RCL1: variants seen among roughly 807,000 people sequenced by gnomAD.
The protein encoded by RCL1 is RNA 3'-terminal phosphate cyclase-like protein.
A neutral mutation model predicts 42.4 loss-of-function variants in RCL1; 24 were observed. The observed-to-expected ratio is 0.57, with a 90% CI of 0.41 to 0.80. RCL1 has a LOEUF of 0.80. RCL1 is among the 30% of genes least tolerant of loss of function. RCL1 has a pLI of 0.00. For missense variants in RCL1, 578 were observed against 467.9 expected (o/e 1.24, Z -2.17); for synonymous variants, 228 against 177.3 (o/e 1.29, Z -2.27).
At chr9:4,835,305 G>A (rs932698299) in intron 5 of RCL1, among the ~76,000 whole-genome samples, 16 of 152,176 alleles carry the variant, frequency 1.1e-4, no homozygotes, top group African/African-American at 3.9e-4. Flanking sequence ...GTGGGGAAGA[G>A]AATAAACAAA....
intron 3 of RCL1, among the ~76,000 whole-genome samples, chr9:4,830,294 G>T (rs1004480024): frequency 1.1e-4 from 17 of 152,190 alleles, no homozygotes; most frequent in African/African-American, 3.9e-4. Context: ...GCTGAGGTTG[G>T]GATTTTTTTT....
chr9:4,826,001 G>T (rs1816747925), intron 2 of RCL1, among the ~76,000 whole-genome samples: 1 of 151,730 alleles, frequency 6.6e-6, no homozygotes, highest in Admixed American at 6.6e-5. Context: ...AGGCTGAGGT[G>T]GGAGGATCAC....
intron 7 of RCL1, among the ~76,000 whole-genome samples, 175 bp from the exon 8 acceptor site, chr9:4,849,272 C>A (rs971689607): frequency 6.6e-6 from 1 of 151,690 alleles, no homozygotes; most frequent in Non-Finnish European, 1.5e-5. Context: ...GTTAGTTTAA[C>A]CCTCTACAGT....
chr9:4,800,378 A>G (rs150422723), intron 1 of RCL1, among the ~76,000 whole-genome samples: 28 of 150,072 alleles, frequency 1.9e-4, no homozygotes, highest in African/African-American at 6.6e-4. Flanking sequence ...CCATGCCCAG[A>G]TAATTTTTGT....
At chr9:4,827,182 T>A (rs187102387) in intron 3 of RCL1, 149 bp downstream of exon 3, 1 of 1,546,410 alleles carries the variant, frequency 6.5e-7, no homozygotes, top group African/African-American at 1.4e-5. Flanking sequence ...GGTTAATCAC[T>A]CCAGGAGGCA....
chr9:4,853,521 T>C (rs182550166), intron 8 of RCL1, among the ~76,000 whole-genome samples: 1 of 152,096 alleles, frequency 6.6e-6, no homozygotes, highest in Admixed American at 6.5e-5. Context: ...CGGGGTTTCA[T>C]CGTGTTAGCC....
intron 1 of RCL1, among the ~76,000 whole-genome samples, chr9:4,808,813 G>C (rs1378994600): frequency 6.6e-6 from 1 of 152,154 alleles, no homozygotes; most frequent in Admixed American, 6.5e-5. Context: ...TATAAGCAAA[G>C]CATGATATCT....
At chr9:4,843,942 G>A (rs1587726477) in intron 6 of RCL1, among the ~76,000 whole-genome samples, 1 of 152,296 alleles carries the variant, frequency 6.6e-6, no homozygotes, top group Admixed American at 6.5e-5. Context: ...CAGAACCTTT[G>A]ATGAAATGGG....
At position 4,797,810 on chromosome 9, in the gene RCL1, T is replaced by C. The variant is rs75876681; in HGVS notation, c.136+4583T>C. ...AAACTCTGTGACTTCAGGCAAATCA[T>C]TGAATCTCTTAAAACTGTCCCCTTC... On this transcript the variant is annotated intron_variant, in intron 1 of 8. Coordinates refer to ENST00000381750, the MANE Select transcript of RCL1 (RefSeq NM_005772.5). 1.1e-3 allele frequency among the ~76,000 whole-genome samples: 169 copies of C among 152,258 alleles called. 2 individuals are homozygous for C. The highest frequency in any genetic ancestry group is 3.4e-3 in the African/African-American group (140 of 41,552).
At chr9:4,825,333 A>G (rs1251409965) in intron 2 of RCL1, among the ~76,000 whole-genome samples, 1 of 152,134 alleles carries the variant, frequency 6.6e-6, no homozygotes. Context: ...TCATTTGGCT[A>G]ATTTGTATAA....
chr9:4,859,184 G>C (rs1818073378), intron 8 of RCL1, among the ~76,000 whole-genome samples: 1 of 152,218 alleles, frequency 6.6e-6, no homozygotes, highest in South Asian at 2.1e-4. Context: ...CCACAGAATT[G>C]CTCTTCCCAA....
intron 1 of RCL1, among the ~76,000 whole-genome samples, chr9:4,808,505 G>A (rs1487037696): frequency 2.6e-5 from 4 of 151,884 alleles, no homozygotes; most frequent in Non-Finnish European, 5.9e-5. Flanking sequence ...ACAGGGTTTC[G>A]CCATGTTGCC....
intron 5 of RCL1, among the ~76,000 whole-genome samples, chr9:4,835,846 G>A (rs1235751288): frequency 1.3e-5 from 2 of 152,218 alleles, no homozygotes; most frequent in African/African-American, 4.8e-5. Flanking sequence ...ACAGTAGGAG[G>A]CACTGGTGTG....
At chr9:4,839,900 G>T in intron 5 of RCL1, 1 of 985,614 alleles carries the variant, frequency 1.0e-6, no homozygotes, top group Non-Finnish European at 1.2e-6. Context: ...CCGGCTGGAG[G>T]GTTTCAGGAG....
intron 4 of RCL1, 50 bp downstream of exon 4, chr9:4,833,278 C>T (rs746355697): frequency 7.3e-7 from 1 of 1,366,158 alleles, no homozygotes; most frequent in Admixed American, 1.7e-5. Context: ...AAACATTTTC[C>T]CACTGACTCA....
intron 7 of RCL1, among the ~76,000 whole-genome samples, chr9:4,846,503 G>A (rs1335698465): frequency 6.6e-6 from 1 of 152,208 alleles, no homozygotes; most frequent in African/African-American, 2.4e-5. Context: ...AAAGTTTGGG[G>A]TAGATGATCA....
chr9:4,826,117 A>G (rs1278649056), intron 2 of RCL1, among the ~76,000 whole-genome samples: 1 of 151,982 alleles, frequency 6.6e-6, no homozygotes, highest in East Asian at 1.9e-4. Context: ...AAAAAAAATT[A>G]GCTGGTCGTG....
intron 1 of RCL1, among the ~76,000 whole-genome samples, chr9:4,802,749 A>G (rs960759292): frequency 1.3e-5 from 2 of 152,264 alleles, no homozygotes; most frequent in African/African-American, 4.8e-5. Context: ...ATACTTGGGA[A>G]TAAACCATTT....
chr9:4,793,045 G>A lies in RCL1; in HGVS notation c.-47G>A, dbSNP rs1161668205. 3.2e-6 allele frequency: 5 copies of A among 1,575,558 alleles called. No homozygotes were observed. In the Admixed American group the frequency reaches 7.1e-5, roughly 22 times the overall value. The stretch of plus-strand genomic sequence containing the variant: ...GGAGTCACGAGTCCCGCGTCTGTCC[G>A]AAGTCGCCGCTCTCGGGCTGCTCAC... On this transcript the variant is annotated 5_prime_UTR_variant, in exon 1 of 9. Transcript: ENST00000381750.
Sources: gnomAD v4.1 joint callset for allele counts (sites outside exome capture counted in the v4.1 genomes callset) on GRCh38, gnomAD v4.1.1 for gene constraint, MANE v1.5 for transcripts, NCBI Gene and HGNC (gene_info 2026-07-23, HGNC 2026-07-21) for gene names.